ACER1: variants seen among roughly 807,000 people sequenced by gnomAD.
ACER1 encodes CTB-180A7.3.
In ACER1, 28 loss-of-function variants were observed where a neutral mutation model predicts 24.9. The ratio of observed to expected loss-of-function variants is 1.13; its 90% CI spans 0.83 to 1.54. ACER1 has a LOEUF of 1.54. ACER1 is among the 40% of genes most tolerant of loss of function. ACER1 has a pLI of 0.00. For synonymous variants in ACER1, 132 were observed against 131.4 expected, an observed-to-expected ratio of 1.00 and a Z score of -0.03; for missense variants, 352 against 349.3, an observed-to-expected ratio of 1.01 and a Z score of -0.06.
At chr19:6,311,486 G>A (rs1385596954) in intron 3 of ACER1, among the ~76,000 whole-genome samples, 2 of 151,946 alleles carry the variant, frequency 1.3e-5, no homozygotes, top group Non-Finnish European at 2.9e-5. Context: ...AGGCTGCAGT[G>A]AGCCGAGATC....
At chr19:6,307,664 G>C (rs566710273) in intron 4 of ACER1, among the ~76,000 whole-genome samples, 50 of 151,968 alleles carry the variant, frequency 3.3e-4, no homozygotes, top group African/African-American at 1.1e-3. Flanking sequence ...GATGGTGCAT[G>C]CCTGCAGTTC....
At chr19:6,353,293 C>T in the ACER1 span, 1 of 152,036 alleles carries the variant, frequency 6.6e-6, no homozygotes, top group Admixed American at 6.6e-5. Flanking sequence ...GTTCACACCA[C>T]TGTACTCTAG....
At chr19:6,339,855 C>T in the ACER1 span, among the ~76,000 whole-genome samples, 2 of 151,778 alleles carry the variant, frequency 1.3e-5, no homozygotes, top group Admixed American at 6.6e-5. Flanking sequence ...TTAGTAGAGA[C>T]GGGGTTTCAC....
Position 6,311,096 on chromosome 19 carries a change from A to G in ACER1, c.350+1053T>C, listed in dbSNP as rs1181857886. Among the ~76,000 whole-genome samples, 16 of 151,576 alleles carry G rather than the reference A, an allele frequency of 1.1e-4. No homozygotes were observed. The Admixed American group carries it at 1.1e-3, about 10-fold the overall frequency. ...TGAGGTCAGGCAAGGAGTTCAGGGG[A>G]TCCCAGCTGGGCTGAGAAGAGGGAT... On this transcript the variant is annotated intron_variant, in intron 3 of 5. Transcript: ENST00000301452.
chr19:6,308,140 T>C (rs1287655211), intron 4 of ACER1, among the ~76,000 whole-genome samples: 2 of 151,130 alleles, frequency 1.3e-5, no homozygotes, highest in Non-Finnish European at 2.9e-5. Flanking sequence ...CACCTTCGAA[T>C]ATTAACTCAG....
chr19:6,312,021 T>C, intron 3 of ACER1, 128 bp downstream of exon 3: 2 of 1,285,346 alleles, frequency 1.6e-6, no homozygotes, highest in South Asian at 3.1e-5. Flanking sequence ...CCCGAAGTGG[T>C]CAGGGGAGGA....
the ACER1 span, among the ~76,000 whole-genome samples, chr19:6,348,233 G>A: frequency 7.2e-5 from 11 of 151,866 alleles, no homozygotes; most frequent in Non-Finnish European, 1.6e-4. Context: ...GGGAGGCCGA[G>A]GCGGGTGGAT....
In ACER1 at chr19:6,313,618, C is replaced by T. The variant is rs555783075; in HGVS notation, c.94-1119G>A. Among the ~76,000 whole-genome samples, 3 of 152,298 alleles carry T rather than the reference C, an allele frequency of 2.0e-5. No individual in the cohort carries two copies. In the South Asian group the frequency reaches 6.2e-4, roughly 32 times the overall value. On this transcript the variant is annotated intron_variant, in intron 1 of 5. Coordinates refer to ENST00000301452, the MANE Select transcript of ACER1 (RefSeq NM_133492.3). ...TCAAAAACCACGTAAGGAAAGCTTG[C>T]CCCCTTTCCTCTTCCTGTGGGCTGA...
At position 6,306,610 on chromosome 19, in the gene ACER1, G is replaced by A; in HGVS notation, c.*104C>T. ...GGAGGACACGGAAGGGGAAACAGAG[G>A]AAGGAACCACGAGTGTCCCGCAGGT... On this transcript the variant is annotated 3_prime_UTR_variant, in exon 6 of 6. Coordinates refer to ENST00000301452, the MANE Select transcript of ACER1 (RefSeq NM_133492.3). 1.5e-6 allele frequency: 2 copies of A among 1,375,640 alleles called. No individual in the cohort carries two copies. The highest frequency in any genetic ancestry group is 2.0e-6 in the Non-Finnish European group (2 of 1,012,282). 85.2% of individuals were successfully genotyped at this position (1,375,640 alleles called of 1,614,324 possible). A position where few individuals can be genotyped will look rare whatever the true frequency, so the allele number is the denominator to read the frequency against.
the ACER1 span, among the ~76,000 whole-genome samples, chr19:6,348,509 GCTCT>G: frequency 2.6e-5 from 4 of 151,644 alleles, no homozygotes; most frequent in Non-Finnish European, 5.9e-5. Flanking sequence ...GAGCCCTGGG[GCTCT>G]CTAAGACAGA....
the ACER1 span, among the ~76,000 whole-genome samples, chr19:6,357,042 CT>C: frequency 0.056 from 6,988 of 124,432 alleles, 451 homozygotes; most frequent in African/African-American, 0.2. Flanking sequence ...TGAGCTGAGA[CT>C]TTTTTTTTTT....
At chr19:6,314,721 C>T (rs543694616) in intron 1 of ACER1, among the ~76,000 whole-genome samples, 8 of 152,082 alleles carry the variant, frequency 5.3e-5, no homozygotes, top group Non-Finnish European at 8.8e-5. Flanking sequence ...CCAGCAATCC[C>T]GCTACTGAGT....
the ACER1 span, among the ~76,000 whole-genome samples, chr19:6,354,054 T>C: frequency 6.6e-6 from 1 of 151,472 alleles, no homozygotes; most frequent in Non-Finnish European, 1.5e-5. Flanking sequence ...TGGTGGTTCA[T>C]GCCTGTAGTC....
chr19:6,351,792 C>T, the ACER1 span, among the ~76,000 whole-genome samples: 4 of 151,910 alleles, frequency 2.6e-5, no homozygotes, highest in African/African-American at 9.7e-5. Flanking sequence ...TGTGGTGGCT[C>T]ATGCCTGTAA....
chr19:6,335,221 G>GTTTTT (rs2091708840), upstream of ACER1, among the ~76,000 whole-genome samples: 2 of 111,788 alleles, frequency 1.8e-5, no homozygotes, highest in African/African-American at 3.6e-5. Context: ...CTCATTTAAC[G>GTTTTT]TTCTTTTTTT....
chr19:6,318,051 G>T (rs1157997424), intron 1 of ACER1, among the ~76,000 whole-genome samples: 2 of 152,060 alleles, frequency 1.3e-5, no homozygotes, highest in Non-Finnish European at 2.9e-5. Flanking sequence ...GCTGGGCGCG[G>T]TGGCTCACAC....
chr19:6,310,527 G>A (rs1005237548), intron 3 of ACER1, among the ~76,000 whole-genome samples: 7 of 151,886 alleles, frequency 4.6e-5, no homozygotes, highest in African/African-American at 1.5e-4. Context: ...CCAAGATCAC[G>A]CCACGGCACT....
Position 6,312,488 on chromosome 19 carries a change from G to C in ACER1, c.105C>G (p.Ile35Met). 6.2e-7 allele frequency: 1 copy of C among 1,613,656 alleles called. No homozygotes were observed. Among genetic ancestry groups the C allele is most frequent in the Non-Finnish European group, 8.5e-7 (1 of 1,179,800 alleles). Residue 35 changes from isoleucine to methionine, a missense_variant, in exon 2 of 6, where the codon ATC (isoleucine) becomes ATG (methionine). By Grantham distance (10) the Ile-to-Met change is conservative. Coordinates refer to ENST00000301452, the MANE Select transcript of ACER1 (RefSeq NM_133492.3). ...VAEFYNTFSN[I>M]PFFIFGPLMM... ...TCAGTGGCCCGAAGATGAAGAAGGGGATATTGGAGAACTGGAGCAGAGAGA... is the reference window on the plus strand; with the variant it reads ...TCAGTGGCCCGAAGATGAAGAAGGGCATATTGGAGAACTGGAGCAGAGAGA...
the ACER1 span, among the ~76,000 whole-genome samples, chr19:6,348,166 G>A: frequency 3.3e-5 from 5 of 151,308 alleles, no homozygotes; most frequent in Admixed American, 6.6e-5. Context: ...CTGAGGGGTC[G>A]TGGATAAAGA....
Sources: allele counts gnomAD v4.1 joint callset (sites outside exome capture counted in the v4.1 genomes callset), GRCh38; gene constraint gnomAD v4.1.1; transcripts MANE v1.5; gene names NCBI Gene and HGNC (gene_info 2026-07-23, HGNC 2026-07-21).